Variants in NXPE4 observed in about 807,000 individuals in gnomAD.
The protein encoded by NXPE4 is neurexophilin and PC-esterase domain family member 4, also known as NXPE family member 4.
A neutral mutation model predicts 33.3 loss-of-function variants in NXPE4; 42 were observed. The ratio of observed to expected loss-of-function variants is 1.26; its 90% CI spans 0.98 to 1.63. The LOEUF is 1.63. NXPE4 is among the 40% of genes most tolerant of loss of function. The probability of loss-of-function intolerance (pLI) is 0.00; values close to 1 mark genes in which losing one functional copy is unlikely to be tolerated. For missense variants in NXPE4, 709 were observed against 647.6 expected, an observed-to-expected ratio of 1.09 and a Z score of -1.03; for synonymous variants, 253 against 234.9, an observed-to-expected ratio of 1.08 and a Z score of -0.71.
the NXPE4 span, among the ~76,000 whole-genome samples, chr11:114,631,518 T>A: frequency 1.2e-3 from 123 of 102,464 alleles, 1 homozygote; most frequent in Admixed American, 0.014. Flanking sequence ...CTCTGGGGAC[T>A]GTTGTGGGGT....
At chr11:114,666,911 C>T in the NXPE4 span, among the ~76,000 whole-genome samples, 1 of 152,090 alleles carries the variant, frequency 6.6e-6, no homozygotes, top group Non-Finnish European at 1.5e-5. Flanking sequence ...CTCTTTATAG[C>T]ATATATACAT....
At chr11:114,632,764 T>TTA in the NXPE4 span, among the ~76,000 whole-genome samples, 1 of 8,470 alleles carries the variant, frequency 1.2e-4, no homozygotes, top group Non-Finnish European at 1.9e-4. Context: ...ATATCATATA[T>TTA]TATATAATTA....
chr11:114,647,632 A>G, the NXPE4 span, among the ~76,000 whole-genome samples: 1 of 152,020 alleles, frequency 6.6e-6, no homozygotes, highest in African/African-American at 2.4e-5. Context: ...TCTGGATTAT[A>G]TATGGTTATT....
chr11:114,617,786 G>A, the NXPE4 span, among the ~76,000 whole-genome samples: 2 of 152,114 alleles, frequency 1.3e-5, no homozygotes, highest in Non-Finnish European at 2.9e-5. Flanking sequence ...TGCCTTGTGG[G>A]TAAGCACGGT....
the NXPE4 span, among the ~76,000 whole-genome samples, chr11:114,629,393 C>T: frequency 6.6e-6 from 1 of 151,878 alleles, no homozygotes; most frequent in African/African-American, 2.4e-5. Flanking sequence ...TGTAATCCAG[C>T]ATATAAACAG....
chr11:114,656,180 T>A, the NXPE4 span, among the ~76,000 whole-genome samples: 1 of 151,794 alleles, frequency 6.6e-6, no homozygotes, highest in Non-Finnish European at 1.5e-5. Flanking sequence ...CTATTCACAA[T>A]TACTACAAAG....
intron 2 of NXPE4, chr11:114,584,356 G>C (rs556899671): frequency 4.7e-6 from 2 of 423,226 alleles, no homozygotes; most frequent in African/African-American, 2.1e-5. Context: ...GTGGCTGTTT[G>C]AGAACCTAGT....
the NXPE4 span, among the ~76,000 whole-genome samples, chr11:114,665,482 A>T: frequency 6.6e-6 from 1 of 152,182 alleles, no homozygotes; most frequent in Non-Finnish European, 1.5e-5. Context: ...TATCATTTCT[A>T]AAAAGGAAGG....
At chr11:114,667,654 G>A in the NXPE4 span, among the ~76,000 whole-genome samples, 7 of 152,044 alleles carry the variant, frequency 4.6e-5, no homozygotes, top group East Asian at 5.8e-4. Context: ...TCATGAGTAC[G>A]CTCAACAGTC....
At chr11:114,601,457 TATATA>T in the NXPE4 span, among the ~76,000 whole-genome samples, 3 of 124,648 alleles carry the variant, frequency 2.4e-5, no homozygotes, top group Non-Finnish European at 3.2e-5. Flanking sequence ...ATTTATATTA[TATATA>T]ATATAAAATT....
At chr11:114,642,834 G>A in the NXPE4 span, among the ~76,000 whole-genome samples, 4 of 152,096 alleles carry the variant, frequency 2.6e-5, no homozygotes, top group South Asian at 2.1e-4. Flanking sequence ...TTGAGGAATC[G>A]CCACACTGTC....
chr11:114,673,995 A>G, the NXPE4 span, among the ~76,000 whole-genome samples: 1 of 151,840 alleles, frequency 6.6e-6, no homozygotes. Flanking sequence ...TAAAGACAAA[A>G]CTAGAAATCA....
chr11:114,677,974 A>G, the NXPE4 span, among the ~76,000 whole-genome samples: 11 of 152,192 alleles, frequency 7.2e-5, no homozygotes, highest in Admixed American at 5.2e-4. Context: ...TACATATTCA[A>G]GTTGCAGTGA....
chr11:114,619,205 G>T, the NXPE4 span, among the ~76,000 whole-genome samples: 1 of 151,716 alleles, frequency 6.6e-6, no homozygotes, highest in Admixed American at 6.6e-5. Flanking sequence ...AATAAGTATT[G>T]CCTCTAGGGT....
the NXPE4 span, among the ~76,000 whole-genome samples, chr11:114,649,749 C>T: frequency 6.6e-6 from 1 of 152,132 alleles, no homozygotes; most frequent in Non-Finnish European, 1.5e-5. Context: ...AATCCAATTG[C>T]CTTTTTTGAC....
At chr11:114,653,345 T>C in the NXPE4 span, among the ~76,000 whole-genome samples, 1 of 152,212 alleles carries the variant, frequency 6.6e-6, no homozygotes. Context: ...GGTACTTTTA[T>C]TGTCCCTATA....
chr11:114,641,905 A>C, the NXPE4 span, among the ~76,000 whole-genome samples: 21,736 of 152,060 alleles, frequency 0.14, 2,529 homozygotes, highest in African/African-American at 0.32. Context: ...ATGAAAGAAC[A>C]CTAGAGTAAC....
chr11:114,664,679 T>C, the NXPE4 span, among the ~76,000 whole-genome samples: 2 of 152,196 alleles, frequency 1.3e-5, no homozygotes, highest in South Asian at 2.1e-4. Context: ...TTATGAGTTG[T>C]TGACTCATAA....
the NXPE4 span, among the ~76,000 whole-genome samples, chr11:114,620,736 A>G: frequency 6.6e-6 from 1 of 151,958 alleles, no homozygotes; most frequent in Non-Finnish European, 1.5e-5. Context: ...AACCACAGTT[A>G]CCCGATGTAT....
Sources: allele counts gnomAD v4.1 joint callset (sites outside exome capture counted in the v4.1 genomes callset), GRCh38; gene constraint gnomAD v4.1.1; transcripts MANE v1.5; gene names NCBI Gene and HGNC (gene_info 2026-07-23, HGNC 2026-07-21).